Variants in MUC7 observed in about 807,000 individuals in gnomAD.
MUC7 encodes mucin 7, secreted.
In MUC7, 2 loss-of-function variants were observed where a neutral mutation model predicts 2.5. The observed-to-expected ratio is 0.81, with a 90% confidence interval of 0.33 to 2.55. The LOEUF (loss-of-function observed/expected upper bound fraction) is 2.55. Among genes scored for constraint, MUC7 ranks in the 30% most tolerant of loss-of-function variants. The probability of loss-of-function intolerance (pLI) is 0.11; values close to 1 mark genes in which losing one functional copy is unlikely to be tolerated. For missense variants in MUC7, 408 were observed against 455.6 expected (o/e 0.90, Z 0.95); for synonymous variants, 133 against 173.4 (o/e 0.77, Z 1.83).
chr4:70,476,869 C>G (rs1379579234), intron 2 of MUC7, among the ~76,000 whole-genome samples: 1 of 152,218 alleles, frequency 6.6e-6, no homozygotes. Context: ...AGTCCTGGAG[C>G]TCTAGCAACA....
chr4:70,480,945 C>T lies in MUC7; in HGVS notation c.201C>T (p.His67=), dbSNP rs536423413. The T allele has an allele frequency of 1.9e-6, 3 of 1,614,004 alleles. No homozygotes were observed. The African/African-American group carries it at 4.0e-5, about 22-fold the overall frequency. ...PFIRKSYKCL[H]KRCRPKLPPS... is the part of the protein sequence containing the mutation. ...TTAGAAAGTCCTATAAATGTCTGCA[C>T]AAACGCTGTAGGCCTAAGCTTCCAC... Residue 67 remains histidine, a synonymous_variant, in exon 3 of 3, where the codon CAC becomes CAT. Coordinates refer to ENST00000304887, the MANE Select transcript of MUC7 (RefSeq NM_152291.3).
At chr4:70,440,821 G>A (rs1241112299) in intron 1 of MUC7, among the ~76,000 whole-genome samples, 1 of 151,910 alleles carries the variant, frequency 6.6e-6, no homozygotes, top group Non-Finnish European at 1.5e-5. Flanking sequence ...AAAGAGAATG[G>A]ATGAGAAGAA....
chr4:70,455,418 T>C (rs768759228), intron 1 of MUC7, among the ~76,000 whole-genome samples: 4 of 152,224 alleles, frequency 2.6e-5, no homozygotes, highest in Non-Finnish European at 4.4e-5. Context: ...TCAAATTCAG[T>C]ACTCCATTTC....
At chr4:70,459,052 A>G (rs1734481673) in intron 1 of MUC7, among the ~76,000 whole-genome samples, 1 of 152,242 alleles carries the variant, frequency 6.6e-6, no homozygotes, top group African/African-American at 2.4e-5. Context: ...TATAAATACA[A>G]GAAGAAATTG....
rs761951167 is a variant in MUC7, at chr4:70,482,173, G to A, written c.*295G>A. ...TAGATAAAGAGAGAATATTGTATGGGCCATCAACCATTTACTTTTCCCTGA... is the reference window on the plus strand; with the variant it reads ...TAGATAAAGAGAGAATATTGTATGGACCATCAACCATTTACTTTTCCCTGA... On this transcript the variant is annotated 3_prime_UTR_variant, in exon 3 of 3. Transcript: ENST00000304887. 3.0e-6 allele frequency: 1 copy of A among 329,038 alleles called. No individual in the cohort carries two copies. The highest frequency in any genetic ancestry group is 5.5e-6 in the Non-Finnish European group (1 of 180,458). The allele number at this position is 329,038 out of a possible 1,614,324, so 20.4% of individuals were successfully genotyped here. A position where few individuals can be genotyped will look rare whatever the true frequency, so the allele number is the denominator to read the frequency against.
intron 1 of MUC7, among the ~76,000 whole-genome samples, chr4:70,447,876 T>G (rs10903217): frequency 0.81 from 122,782 of 152,008 alleles, 50,054 homozygotes; most frequent in Middle Eastern, 0.88. Flanking sequence ...CACACAGTAG[T>G]TCTTATTCAT....
rs562421323 is a variant in MUC7, at chr4:70,482,991, C to G, written c.*1113C>G. 9.9e-5 allele frequency: 15 copies of G among 152,176 alleles called. No homozygotes were observed. The highest frequency in any genetic ancestry group is 7.2e-5 in the African/African-American group (3 of 41,402). The allele number at this position is 152,176 out of a possible 1,614,324, so 9.4% of individuals were successfully genotyped here. On this transcript the variant is annotated 3_prime_UTR_variant, in exon 3 of 3. Coordinates refer to ENST00000304887, the MANE Select transcript of MUC7 (RefSeq NM_152291.3). ...GCTAACTAATAAAGATTTCAAATGG[C>G]AATTTATATTCATTGTGTGTATCTG...
chr4:70,434,149 C>T (rs1733758192), intron 1 of MUC7, among the ~76,000 whole-genome samples: 1 of 152,038 alleles, frequency 6.6e-6, no homozygotes, highest in Non-Finnish European at 1.5e-5. Context: ...ATTTTTGCAT[C>T]AATGTTCATT....
chr4:70,465,274 T>A (rs905499473), intron 1 of MUC7, among the ~76,000 whole-genome samples: 3 of 152,124 alleles, frequency 2.0e-5, no homozygotes, highest in Middle Eastern at 3.2e-3. Context: ...CAATGGTAGA[T>A]AAATCCACGA....
chr4:70,474,150 A>G (rs1250402563), intron 2 of MUC7, 75 bp downstream of exon 2: 11 of 1,251,378 alleles, frequency 8.8e-6, no homozygotes, highest in Admixed American at 3.7e-5. Flanking sequence ...TGAGACTTTT[A>G]AAGCATAATA....
At chr4:70,473,060 T>A (rs1487591386) in intron 1 of MUC7, among the ~76,000 whole-genome samples, 3 of 152,108 alleles carry the variant, frequency 2.0e-5, no homozygotes, top group East Asian at 3.9e-4. Context: ...TCAAAAAAAA[T>A]ATGTATTAAG....
intron 2 of MUC7, among the ~76,000 whole-genome samples, chr4:70,475,322 G>T (rs1377555538): frequency 6.6e-6 from 1 of 152,052 alleles, no homozygotes; most frequent in Non-Finnish European, 1.5e-5. Flanking sequence ...GTTCTAGTTT[G>T]GGGCATGTTA....
At chr4:70,476,034 T>C (rs1274050928) in intron 2 of MUC7, among the ~76,000 whole-genome samples, 1 of 152,200 alleles carries the variant, frequency 6.6e-6, no homozygotes, top group Admixed American at 6.5e-5. Context: ...AGATGAATCT[T>C]GAGCAATTTA....
chr4:70,456,904 A>G (rs1734429441), intron 1 of MUC7, among the ~76,000 whole-genome samples: 1 of 152,210 alleles, frequency 6.6e-6, no homozygotes. Flanking sequence ...ATGAAGGAGA[A>G]AAAGATCTTC....
Position 70,459,658 on chromosome 4 carries a change from CAG to C in MUC7, c.-92-12555_-92-12554del, listed in dbSNP as rs572485970. On this transcript the variant is annotated intron_variant, in intron 1 of 3. Coordinates refer to the MUC7 transcript ENST00000413702. ...TTATATACAGACAGTATAACAGAAA[CAG>C]AACCAATTGGAAAGACTGAAAACCC... is the stretch of plus-strand genomic sequence containing the variant. 6.6e-3 allele frequency among the ~76,000 whole-genome samples: 1,000 copies of C among 152,078 alleles called. 7 individuals are homozygous for C. Among genetic ancestry groups the C allele is most frequent in the South Asian group, 0.011 (55 of 4,810 alleles).
At position 70,436,901 on chromosome 4, in the gene MUC7, T is replaced by A. The variant is rs200472454; in HGVS notation, c.-93+6214T>A. 2.0e-4 allele frequency among the ~76,000 whole-genome samples: 31 copies of A among 152,310 alleles called. 1 individual carries two copies. The East Asian group carries it at 5.4e-3, about 27-fold the overall frequency. On this transcript the variant is annotated intron_variant, in intron 1 of 3. Coordinates refer to the MUC7 transcript ENST00000413702. ...GGTTTTGGTGTGGATGTCCTTTTTG[T>A]TGATGTTGATGCTATTTCTTTCTGT...
At position 70,481,906 on chromosome 4, in the gene MUC7, C is replaced by G; in HGVS notation, c.*28C>G. 1 of 1,595,704 alleles carries G rather than the reference C, an allele frequency of 6.3e-7. No homozygotes were observed. Among genetic ancestry groups the G allele is most frequent in the Non-Finnish European group, 8.5e-7 (1 of 1,170,788 alleles). On this transcript the variant is annotated 3_prime_UTR_variant, in exon 3 of 3. Coordinates refer to ENST00000304887, the MANE Select transcript of MUC7 (RefSeq NM_152291.3). ...TATTGTATGTTGTAAAGTGTTCTGT[C>G]ATTTACAAGATGTGATTCATGAGTG... is the stretch of plus-strand genomic sequence containing the variant.
upstream of MUC7, among the ~76,000 whole-genome samples, chr4:70,469,296 TA>T (rs1734768302): frequency 6.6e-6 from 1 of 152,034 alleles, no homozygotes. Flanking sequence ...CCTAAAACCA[TA>T]AAAACCCTAG....
chr4:70,438,359 TTGA>T (rs1177733884), intron 1 of MUC7, among the ~76,000 whole-genome samples: 2 of 152,178 alleles, frequency 1.3e-5, no homozygotes, highest in East Asian at 3.8e-4. Context: ...TTAAAGACTG[TTGA>T]TGTTTGTTTG....
Sources: allele counts gnomAD v4.1 joint callset (sites outside exome capture counted in the v4.1 genomes callset), GRCh38; gene constraint gnomAD v4.1.1; transcripts MANE v1.5; gene names NCBI Gene and HGNC (gene_info 2026-07-23, HGNC 2026-07-21).